SLC6A17: variants seen among roughly 807,000 people sequenced by gnomAD.
The protein encoded by SLC6A17 is solute carrier family 6 member 17, also known as sodium-dependent neutral amino acid transporter SLC6A17.
In SLC6A17, 21 loss-of-function variants were observed where a neutral mutation model predicts 64.5. That is an observed-to-expected ratio of 0.33 (90% CI 0.23 to 0.47). The LOEUF is 0.47. Among genes scored for constraint, SLC6A17 ranks in the 20% least tolerant of loss-of-function variants. SLC6A17 has a pLI of 1.00. For synonymous variants in SLC6A17, 372 were observed against 399.5 expected (o/e 0.93, Z 0.82); for missense variants, 682 against 963.2 (o/e 0.71, Z 3.86).
At chr1:110,197,674 C>T (rs762442457) in intron 11 of SLC6A17, 75 bp downstream of exon 11, 147 of 1,460,820 alleles carry the variant, frequency 1.0e-4, no homozygotes, top group Non-Finnish European at 1.2e-4. Flanking sequence ...GATAGGGATA[C>T]ACCTTTCTAG....
chr1:110,186,459 AAG>A (rs1557838816), intron 6 of SLC6A17, among the ~76,000 whole-genome samples: 6 of 31,758 alleles, frequency 1.9e-4, no homozygotes, highest in African/African-American at 8.9e-4. Flanking sequence ...AAAAAAAAAA[AAG>A]GAAAGAGAAG....
rs938528671 is a variant in SLC6A17 at position 110,199,504 on chromosome 1, G to C, written c.*1060G>C. 6.5e-6 allele frequency: 1 copy of C among 153,748 alleles called. No homozygotes were observed. Among genetic ancestry groups the C allele is most frequent in the Non-Finnish European group, 1.4e-5 (1 of 69,178 alleles). 9.5% of individuals were successfully genotyped at this position (153,748 alleles called of 1,614,324 possible). A position where few individuals can be genotyped will look rare whatever the true frequency, so the allele number is the denominator to read the frequency against. ...ATCCCCAGGAAGCCTCACTCCTGGG[G>C]AAAGACAGATAATTTCACTGCCCCT... On this transcript the variant is annotated 3_prime_UTR_variant, in exon 12 of 12. Transcript: ENST00000331565.
At chr1:110,185,622 C>G (rs1656664690) in intron 6 of SLC6A17, among the ~76,000 whole-genome samples, 1 of 152,172 alleles carries the variant, frequency 6.6e-6, no homozygotes, top group South Asian at 2.1e-4. Flanking sequence ...GAGGAGGGGG[C>G]GAGCCGCCTT....
chr1:110,176,183 G>A (rs1015948792), intron 5 of SLC6A17, among the ~76,000 whole-genome samples: 1 of 152,046 alleles, frequency 6.6e-6, no homozygotes, highest in African/African-American at 2.4e-5. Context: ...AGGGGCTAGG[G>A]ACTTCTTCAG....
chr1:110,170,432 C>T lies in SLC6A17; in HGVS notation c.287-1628C>T, dbSNP rs574415576. On this transcript the variant is annotated intron_variant, in intron 2 of 11. Coordinates refer to ENST00000331565, the MANE Select transcript of SLC6A17 (RefSeq NM_001010898.4). ...CCGGGAGGCAGAGCTTGCAGTGAGCCGAGATCGCGCCACTGCCCTCCAGCC... is the reference window on the plus strand; with the variant it reads ...CCGGGAGGCAGAGCTTGCAGTGAGCTGAGATCGCGCCACTGCCCTCCAGCC... Among the ~76,000 whole-genome samples the T allele has an allele frequency of 1.4e-4, 21 of 152,256 alleles. 1 individual carries two copies. Among genetic ancestry groups the T allele is most frequent in the Non-Finnish European group, 2.4e-4 (16 of 68,012 alleles).
intron 3 of SLC6A17, among the ~76,000 whole-genome samples, chr1:110,172,803 G>A (rs976381251): frequency 6.6e-6 from 1 of 152,198 alleles, no homozygotes; most frequent in Non-Finnish European, 1.5e-5. Context: ...AACTTTGTGA[G>A]GTCTCCAGGC....
chr1:110,167,361 C>A, intron 2 of SLC6A17, 146 bp downstream of exon 2: 1 of 1,045,466 alleles, frequency 9.6e-7, no homozygotes, highest in Non-Finnish European at 1.3e-6. Context: ...CCAGGAATAG[C>A]TATAATGATG....
At position 110,199,053 on chromosome 1, in the gene SLC6A17, G is replaced by A. The variant is rs1236475852; in HGVS notation, c.*609G>A. 1.3e-5 allele frequency: 2 copies of A among 152,798 alleles called. No homozygotes were observed. The highest frequency in any genetic ancestry group is 4.8e-5 in the African/African-American group (2 of 41,456). The allele number at this position is 152,798 out of a possible 1,614,324, so 9.5% of individuals were successfully genotyped here. Reference sequence around the variant, plus strand: ...CCCCAAGTTCTGTTTTCTGAGGTATGTGCTGCCCTTGGCTTCAGCATGAGC... The same window carrying A: ...CCCCAAGTTCTGTTTTCTGAGGTATATGCTGCCCTTGGCTTCAGCATGAGC... On this transcript the variant is annotated 3_prime_UTR_variant, in exon 12 of 12. Transcript: ENST00000331565.
At chr1:110,180,863 C>A (rs1656504070) in intron 6 of SLC6A17, among the ~76,000 whole-genome samples, 1 of 152,116 alleles carries the variant, frequency 6.6e-6, no homozygotes, top group South Asian at 2.1e-4. Flanking sequence ...ATCTCAGAGC[C>A]CATGTGGGAG....
chr1:110,178,279 C>T (rs900986150), intron 6 of SLC6A17, among the ~76,000 whole-genome samples: 2 of 152,094 alleles, frequency 1.3e-5, no homozygotes, highest in Non-Finnish European at 2.9e-5. Context: ...CAGATGGGCC[C>T]CTCAATGTTG....
At chr1:110,173,949 A>AC (rs1198436912) in intron 3 of SLC6A17, 24 bp from the exon 4 acceptor site, 1 of 1,610,690 alleles carries the variant, frequency 6.2e-7, no homozygotes, top group Non-Finnish European at 8.5e-7. Flanking sequence ...AGCCTCAGTG[A>AC]CCCCGCAGTG....
intron 2 of SLC6A17, among the ~76,000 whole-genome samples, chr1:110,170,281 G>A (rs1166992248): frequency 1.3e-5 from 2 of 152,056 alleles, no homozygotes; most frequent in African/African-American, 4.8e-5. Context: ...TCAGGAGATC[G>A]AGACCATCCT....
At chr1:110,164,813 A>T (rs1553204487) in intron 1 of SLC6A17, among the ~76,000 whole-genome samples, 1 of 152,164 alleles carries the variant, frequency 6.6e-6, no homozygotes, top group Non-Finnish European at 1.5e-5. Context: ...GCTGCCACTC[A>T]CTAGGCTATT....
At chr1:110,194,551 C>T (rs1656910073) in intron 8 of SLC6A17, 28 bp from the exon 9 acceptor site, 2 of 1,606,558 alleles carry the variant, frequency 1.2e-6, no homozygotes, top group Non-Finnish European at 1.7e-6. Context: ...GGTGACCTCA[C>T]AGGCCCTGCT....
Position 110,150,689 on chromosome 1 carries a change from G to T in SLC6A17, c.-282G>T, listed in dbSNP as rs957089105. 1 of 152,214 alleles carries T rather than the reference G, an allele frequency of 6.6e-6. No individual in the cohort carries two copies. The highest frequency in any genetic ancestry group is 2.4e-5 in the African/African-American group (1 of 41,460). The allele number at this position is 152,214 out of a possible 1,614,324, so 9.4% of individuals were successfully genotyped here. A position where few individuals can be genotyped will look rare whatever the true frequency, so the allele number is the denominator to read the frequency against. ...CGAGCGCGCGGCGGGCGGGAGCCAG[G>T]TTGGGACTGGTGGTGAGGCAGGGAG... is the stretch of plus-strand genomic sequence containing the variant. On this transcript the variant is annotated 5_prime_UTR_variant, in exon 1 of 12. Transcript: ENST00000331565.
At chr1:110,170,765 G>A (rs973471278) in intron 2 of SLC6A17, among the ~76,000 whole-genome samples, 1 of 152,048 alleles carries the variant, frequency 6.6e-6, no homozygotes, top group African/African-American at 2.4e-5. Context: ...CCTCCCCGAT[G>A]GGCTTTCCTG....
chr1:110,175,926 G>A (rs1315194393), intron 5 of SLC6A17, among the ~76,000 whole-genome samples: 2 of 152,196 alleles, frequency 1.3e-5, no homozygotes, highest in African/African-American at 2.4e-5. Context: ...GCTCATGGAG[G>A]TTAAATGAAA....
intron 10 of SLC6A17, among the ~76,000 whole-genome samples, chr1:110,196,266 C>T (rs946218000): frequency 6.6e-5 from 10 of 152,174 alleles, no homozygotes; most frequent in Non-Finnish European, 1.2e-4. Context: ...CCTCATCCCT[C>T]ATGTTAGGGC....
At chr1:110,170,846 GGTGTGT>G (rs113598904) in intron 2 of SLC6A17, among the ~76,000 whole-genome samples, 85 of 150,136 alleles carry the variant, frequency 5.7e-4, no homozygotes, top group Non-Finnish European at 1.1e-3. Context: ...ACTAGTCTGT[GGTGTGT>G]GTGTGTGTGT....
Sources: gnomAD v4.1 joint callset for allele counts (sites outside exome capture counted in the v4.1 genomes callset) on GRCh38, gnomAD v4.1.1 for gene constraint, MANE v1.5 for transcripts, NCBI Gene and HGNC (gene_info 2026-07-23, HGNC 2026-07-21) for gene names.